Variants in NREP observed in about 807,000 individuals in gnomAD.
The protein encoded by NREP is neuronal regeneration related protein.
In NREP, 5 loss-of-function variants were observed where a neutral mutation model predicts 8.6. That is an observed-to-expected ratio of 0.58 (90% CI 0.30 to 1.22). NREP has a LOEUF of 1.22. Ranked by LOEUF, NREP falls within the 50% of genes most tolerant of loss-of-function variation. NREP has a pLI of 0.07. For missense variants in NREP, 86 were observed against 82.5 expected, an observed-to-expected ratio of 1.04 and a Z score of -0.17; for synonymous variants, 27 against 28.0, an observed-to-expected ratio of 0.96 and a Z score of 0.11.
At chr5:111,877,552 C>T (rs1312970044) in intron 2 of NREP, among the ~76,000 whole-genome samples, 1 of 152,114 alleles carries the variant, frequency 6.6e-6, no homozygotes, top group Non-Finnish European at 1.5e-5. Context: ...GCTTTTGTAA[C>T]CATGTGACAG....
At chr5:111,743,178 T>A (rs1749789672) in intron 2 of NREP, among the ~76,000 whole-genome samples, 2 of 151,976 alleles carry the variant, frequency 1.3e-5, no homozygotes, top group African/African-American at 4.8e-5. Context: ...GCAGCCTTTT[T>A]AAAACTTGGT....
chr5:111,958,586 T>C (rs541982628), intron 2 of NREP, among the ~76,000 whole-genome samples: 2 of 152,050 alleles, frequency 1.3e-5, no homozygotes, highest in South Asian at 2.1e-4. Context: ...CAGAAGCACA[T>C]AGTTTAATCT....
chr5:111,922,806 C>A (rs191114278), intron 2 of NREP, among the ~76,000 whole-genome samples: 31 of 152,080 alleles, frequency 2.0e-4, no homozygotes, highest in Non-Finnish European at 1.5e-4. Flanking sequence ...AGTGAATCTG[C>A]GAGAAATGGC....
chr5:111,963,639 AAC>A (rs1756543238), intron 2 of NREP, among the ~76,000 whole-genome samples: 1 of 152,218 alleles, frequency 6.6e-6, no homozygotes, highest in South Asian at 2.1e-4. Context: ...ACAAATTTCA[AAC>A]AGTTTGTACT....
intron 2 of NREP, among the ~76,000 whole-genome samples, chr5:111,775,056 T>C (rs1034032696): frequency 7.9e-5 from 12 of 152,136 alleles, no homozygotes; most frequent in African/African-American, 2.7e-4. Context: ...ATTTTGTTGT[T>C]TTCTGTTTTT....
At chr5:111,854,506 C>T (rs538911859) in intron 2 of NREP, among the ~76,000 whole-genome samples, 6 of 152,282 alleles carry the variant, frequency 3.9e-5, no homozygotes, top group African/African-American at 1.4e-4. Context: ...ATAATCTCCC[C>T]GAGCTTCACT....
chr5:111,876,673 C>A (rs1259083560), intron 2 of NREP, among the ~76,000 whole-genome samples: 2 of 152,174 alleles, frequency 1.3e-5, no homozygotes, highest in Admixed American at 1.3e-4. Flanking sequence ...GGATGAGGCA[C>A]AAAGCACAAC....
At chr5:111,800,175 G>T (rs1391348260) in intron 2 of NREP, among the ~76,000 whole-genome samples, 2 of 150,978 alleles carry the variant, frequency 1.3e-5, no homozygotes, top group African/African-American at 4.9e-5. Context: ...TGATTCGCCC[G>T]CCTCGGCCTC....
chr5:111,896,262 G>A (rs1384194718), intron 2 of NREP, among the ~76,000 whole-genome samples: 1 of 152,066 alleles, frequency 6.6e-6, no homozygotes, highest in Non-Finnish European at 1.5e-5. Context: ...AGAGGTGGGA[G>A]GCAAATGAAG....
chr5:111,732,738 A>AC (rs1748713316), intron 3 of NREP: 1 of 151,120 alleles, frequency 6.6e-6, no homozygotes, highest in Non-Finnish European at 1.5e-5. Flanking sequence ...ACCCCACCTC[A>AC]CCCCACAGTC....
chr5:111,779,501 TATGTGATGTCAC>T (rs1359799449), intron 2 of NREP, among the ~76,000 whole-genome samples: 65 of 152,146 alleles, frequency 4.3e-4, no homozygotes, highest in African/African-American at 1.5e-3. Context: ...CATAAACAGG[TATGTGATGTCAC>T]ATGTGCCCTC....
intron 2 of NREP, among the ~76,000 whole-genome samples, chr5:111,849,674 G>A (rs1190080471): frequency 6.6e-6 from 1 of 152,014 alleles, no homozygotes; most frequent in Non-Finnish European, 1.5e-5. Context: ...GACTGTTAGT[G>A]GTCCTTCCAT....
intron 2 of NREP, among the ~76,000 whole-genome samples, chr5:111,750,683 T>C (rs1750305138): frequency 6.6e-6 from 1 of 152,214 alleles, no homozygotes; most frequent in Admixed American, 6.5e-5. Context: ...CATCACAGAA[T>C]CACAGAAATA....
chr5:111,943,821 G>A (rs1755899344), intron 2 of NREP, among the ~76,000 whole-genome samples: 1 of 152,054 alleles, frequency 6.6e-6, no homozygotes, highest in African/African-American at 2.4e-5. Flanking sequence ...TTTCCGATTA[G>A]CTCTTTATAA....
intron 2 of NREP, among the ~76,000 whole-genome samples, chr5:111,865,372 T>A (rs1392589279): frequency 1.3e-5 from 2 of 152,186 alleles, no homozygotes; most frequent in East Asian, 3.9e-4. Flanking sequence ...CTTGTTGTAA[T>A]CTCCACTCGT....
In NREP at chr5:111,806,441, G is replaced by A. The variant is rs189724747; in HGVS notation, c.136-70934C>T. The stretch of plus-strand genomic sequence containing the variant: ...CTGCAGAAAAGGGTAATGGATTTAC[G>A]ATCGTGTGTTCATATTCTGTCACAG... On this transcript the variant is annotated intron_variant, in intron 2 of 3. Transcript: ENST00000395634. 2.2e-4 allele frequency among the ~76,000 whole-genome samples: 33 copies of A among 152,248 alleles called. No individual in the cohort carries two copies. In the East Asian group the frequency reaches 6.0e-3, roughly 28 times the overall value.
intron 1 of NREP, among the ~76,000 whole-genome samples, chr5:111,976,000 CTCT>C (rs1284629353): frequency 1.3e-5 from 2 of 152,080 alleles, no homozygotes; most frequent in East Asian, 3.9e-4. Context: ...AATTAATCTG[CTCT>C]TCTTGTTAGA....
At position 111,786,848 on chromosome 5, in the gene NREP, C is replaced by A. The variant is rs144169504; in HGVS notation, c.136-51341G>T. On this transcript the variant is annotated intron_variant, in intron 2 of 3. Transcript: ENST00000395634. ...TCGAAGTGGCAGCTGTTTTTCTGTA[C>A]AACAACAGTAAAGAAGGGCATGAAT... is the stretch of plus-strand genomic sequence containing the variant. Among the ~76,000 whole-genome samples, 389 of 152,194 alleles carry A rather than the reference C, an allele frequency of 2.6e-3. 4 individuals carry two copies. The highest frequency in any genetic ancestry group is 9.1e-3 in the African/African-American group (379 of 41,528).
At chr5:111,937,361 C>A (rs1755712707) in intron 2 of NREP, among the ~76,000 whole-genome samples, 1 of 152,042 alleles carries the variant, frequency 6.6e-6, no homozygotes, top group African/African-American at 2.4e-5. Flanking sequence ...ACTAAATGGA[C>A]AAATCAAACT....
Sources: allele counts gnomAD v4.1 joint callset (sites outside exome capture counted in the v4.1 genomes callset), GRCh38; gene constraint gnomAD v4.1.1; transcripts MANE v1.5; gene names NCBI Gene and HGNC (gene_info 2026-07-23, HGNC 2026-07-21).